Variants in ROBO1 observed in about 807,000 individuals in gnomAD.
ROBO1 encodes the protein roundabout homolog 1.
Under a neutral mutation model 195.9 loss-of-function variants are expected in ROBO1, and 149 were observed. The observed-to-expected ratio is 0.76, with a 90% CI of 0.67 to 0.87. The LOEUF (loss-of-function observed/expected upper bound fraction) is 0.87, where lower values mean the gene tolerates loss of function less well. ROBO1 is among the 40% of genes least tolerant of loss of function. ROBO1 has a pLI of 0.00. For synonymous variants in ROBO1, 816 were observed against 733.2 expected (o/e 1.11, Z -1.82); for missense variants, 1,933 against 2,068.3 (o/e 0.93, Z 1.27).
At chr3:79,685,276 G>A (rs1229498629) in intron 1 of ROBO1, among the ~76,000 whole-genome samples, 1 of 152,092 alleles carries the variant, frequency 6.6e-6, no homozygotes, top group Admixed American at 6.6e-5. Context: ...CTTGTGCAGG[G>A]TTCAAGGCCA....
At chr3:78,776,548 C>A (rs1165052217) in intron 4 of ROBO1, among the ~76,000 whole-genome samples, 2 of 152,202 alleles carry the variant, frequency 1.3e-5, no homozygotes, top group Admixed American at 6.5e-5. Context: ...CCGCACCCAG[C>A]CAAAATGCTT....
At chr3:79,336,618 G>C (rs1040036557) in intron 2 of ROBO1, among the ~76,000 whole-genome samples, 5 of 152,202 alleles carry the variant, frequency 3.3e-5, no homozygotes, top group African/African-American at 1.2e-4. Flanking sequence ...GTGAACCTCT[G>C]CTAGGGCAGT....
At chr3:79,296,117 G>A (rs1246231012) in intron 2 of ROBO1, among the ~76,000 whole-genome samples, 1 of 152,024 alleles carries the variant, frequency 6.6e-6, no homozygotes, top group Non-Finnish European at 1.5e-5. Flanking sequence ...GTTGAAGAAT[G>A]GAATTAAAAT....
At chr3:79,237,007 T>C (rs976761771) in intron 2 of ROBO1, among the ~76,000 whole-genome samples, 1 of 152,084 alleles carries the variant, frequency 6.6e-6, no homozygotes, top group East Asian at 1.9e-4. Context: ...ATAATGAATT[T>C]GAGCACTCTC....
At chr3:79,381,373 A>AAAGAAAAGAAAAGAAAAGAAAAGAAAAG (rs1553730432) in intron 2 of ROBO1, among the ~76,000 whole-genome samples, 5 of 115,422 alleles carry the variant, frequency 4.3e-5, no homozygotes, top group African/African-American at 1.7e-4. Flanking sequence ...AAAAAAAAAA[A>AAAGAAAAGAAAAGAAAAGAAAAGAAAAG]AAAAGAAAAG....
chr3:79,490,596 ACC>A, intron 2 of ROBO1, among the ~76,000 whole-genome samples: 1 of 152,110 alleles, frequency 6.6e-6, no homozygotes, highest in East Asian at 1.9e-4. Context: ...CTAGTTAAAA[ACC>A]TAAGTGTGAT....
intron 3 of ROBO1, among the ~76,000 whole-genome samples, chr3:79,015,757 A>G (rs1169700071): frequency 6.6e-6 from 1 of 152,224 alleles, no homozygotes; most frequent in Admixed American, 6.5e-5. Flanking sequence ...TGTAGCATCA[A>G]GTTAATAGAT....
In ROBO1 at chr3:78,812,137, C is replaced by G. The variant is rs144655372; in HGVS notation, c.500-65237G>C. On this transcript the variant is annotated intron_variant, in intron 4 of 30. Transcript: ENST00000464233. ...TGCATCTAAATCAAGAGTGAATTTTCTAAAGTGAACTCACCCTAAACTACG... is the reference window on the plus strand; with the variant it reads ...TGCATCTAAATCAAGAGTGAATTTTGTAAAGTGAACTCACCCTAAACTACG... 4.7e-3 allele frequency among the ~76,000 whole-genome samples: 710 copies of G among 152,184 alleles called. 2 individuals are homozygous for G. Among genetic ancestry groups the G allele is most frequent in the Non-Finnish European group, 7.5e-3 (508 of 67,978 alleles).
intron 18 of ROBO1, among the ~76,000 whole-genome samples, chr3:78,656,753 T>G (rs1707052374): frequency 6.6e-6 from 1 of 152,190 alleles, no homozygotes; most frequent in African/African-American, 2.4e-5. Context: ...ATAGCATTTG[T>G]TGAATAGATA....
chr3:79,270,960 T>G (rs1173379403), intron 2 of ROBO1, among the ~76,000 whole-genome samples: 2 of 152,008 alleles, frequency 1.3e-5, no homozygotes, highest in East Asian at 1.9e-4. Flanking sequence ...TTTTACTTTT[T>G]AAGTATTTAT....
intron 2 of ROBO1, among the ~76,000 whole-genome samples, chr3:79,396,545 C>T (rs56057609): frequency 0.41 from 62,651 of 151,700 alleles, 13,109 homozygotes; most frequent in Admixed American, 0.52. Flanking sequence ...TGTTATCTTC[C>T]AGTTCAAAAG....
chr3:78,977,599 A>G (rs1029171212), intron 3 of ROBO1, among the ~76,000 whole-genome samples: 1 of 150,506 alleles, frequency 6.6e-6, no homozygotes. Context: ...CAATATATAT[A>G]TAATATATAT....
chr3:79,597,036 A>T (rs1944195573), intron 1 of ROBO1, among the ~76,000 whole-genome samples: 8 of 151,994 alleles, frequency 5.3e-5, no homozygotes, highest in Admixed American at 5.3e-4. Context: ...AAGAACACGG[A>T]AAGTTAAAAA....
intron 2 of ROBO1, among the ~76,000 whole-genome samples, chr3:79,194,497 T>C (rs1041732942): frequency 4.6e-5 from 7 of 151,676 alleles, no homozygotes; most frequent in African/African-American, 1.7e-4. Flanking sequence ...AAAAAATACT[T>C]GGACACGAGG....
chr3:79,004,118 C>T (rs1026851757), intron 3 of ROBO1, among the ~76,000 whole-genome samples: 1 of 152,154 alleles, frequency 6.6e-6, no homozygotes, highest in Non-Finnish European at 1.5e-5. Flanking sequence ...ACAAATATAA[C>T]TGTTGAGTGC....
chr3:79,442,965 G>T (rs943339977), intron 2 of ROBO1, among the ~76,000 whole-genome samples: 2 of 152,100 alleles, frequency 1.3e-5, no homozygotes, highest in Admixed American at 6.6e-5. Flanking sequence ...TAATAATCCT[G>T]TCCTAAGAAT....
intron 1 of ROBO1, among the ~76,000 whole-genome samples, chr3:79,760,129 C>A (rs990567891): frequency 6.1e-5 from 9 of 148,640 alleles, no homozygotes; most frequent in African/African-American, 2.2e-4. Context: ...CCCAGTTACT[C>A]GGGAGGCTGA....
intron 2 of ROBO1, among the ~76,000 whole-genome samples, chr3:79,541,860 AAG>A (rs564497749): frequency 2.0e-5 from 3 of 149,342 alleles, no homozygotes; most frequent in Non-Finnish European, 3.0e-5. Context: ...GAGAGAGAGA[AAG>A]AGAGAGAGAG....
intron 2 of ROBO1, among the ~76,000 whole-genome samples, chr3:79,499,868 G>A (rs187042348): frequency 1.1e-4 from 16 of 152,196 alleles, no homozygotes; most frequent in Middle Eastern, 3.4e-3. Context: ...GTGATGGGGC[G>A]CAATCTTGGC....
Sources: allele counts gnomAD v4.1 joint callset (sites outside exome capture counted in the v4.1 genomes callset), GRCh38; gene constraint gnomAD v4.1.1; transcripts MANE v1.5; gene names NCBI Gene and HGNC (gene_info 2026-07-23, HGNC 2026-07-21).